LPP: variants seen among roughly 807,000 people sequenced by gnomAD.
LPP encodes the protein LIM domain containing preferred translocation partner in lipoma.
LPP carries 38 observed loss-of-function variants against 60.4 expected under a neutral mutation model. The ratio of observed to expected loss-of-function variants is 0.63; its 90% confidence interval spans 0.49 to 0.83. The LOEUF (loss-of-function observed/expected upper bound fraction) is 0.83, where lower values mean the gene tolerates loss of function less well. LPP is among the 40% of genes least tolerant of loss of function. The pLI is 0.00. For synonymous variants in LPP, 328 were observed against 290.8 expected (o/e 1.13, Z -1.30); for missense variants, 902 against 783.6 (o/e 1.15, Z -1.80).
intron 7 of LPP, among the ~76,000 whole-genome samples, chr3:188,669,563 A>G (rs1038431805): frequency 3.9e-5 from 6 of 152,088 alleles, no homozygotes; most frequent in South Asian, 2.1e-4. Flanking sequence ...GTGACAGAGC[A>G]AGACTCCATC....
intron 6 of LPP, among the ~76,000 whole-genome samples, chr3:188,542,231 C>T (rs544463904): frequency 1.3e-5 from 2 of 152,282 alleles, no homozygotes; most frequent in East Asian, 1.9e-4. Context: ...CTCTGCTTAT[C>T]ATATATGATA....
At chr3:188,440,637 C>T (rs1370818515) in intron 4 of LPP, among the ~76,000 whole-genome samples, 1 of 152,172 alleles carries the variant, frequency 6.6e-6, no homozygotes, top group African/African-American at 2.4e-5. Flanking sequence ...AATTCATGGT[C>T]ACATTAAAGT....
At chr3:188,376,574 G>A (rs1775164802) in intron 3 of LPP, among the ~76,000 whole-genome samples, 1 of 152,040 alleles carries the variant, frequency 6.6e-6, no homozygotes, top group South Asian at 2.1e-4. Context: ...CTTCCTCCAT[G>A]CCTTTATTTT....
intron 7 of LPP, among the ~76,000 whole-genome samples, chr3:188,613,270 A>ATATC (rs769136658): frequency 4.4e-4 from 60 of 136,136 alleles, no homozygotes; most frequent in Non-Finnish European, 7.7e-4. Context: ...ACCTATATCT[A>ATATC]TATCTATATC....
chr3:188,412,021 TAA>T (rs1239133066), intron 4 of LPP, among the ~76,000 whole-genome samples: 5 of 151,926 alleles, frequency 3.3e-5, no homozygotes, highest in Admixed American at 2.0e-4. Context: ...TGAAATTTGA[TAA>T]TACTTTTTAT....
At chr3:188,820,717 T>A (rs1014739419) in intron 9 of LPP, among the ~76,000 whole-genome samples, 1 of 152,206 alleles carries the variant, frequency 6.6e-6, no homozygotes, top group Admixed American at 6.5e-5. Context: ...ATAATACATT[T>A]TCATTTTTAG....
rs1430818727 is a variant in LPP, at chr3:188,254,580, ATTGT to A, written c.-67+29059_-67+29062del. Among the ~76,000 whole-genome samples the A allele has an allele frequency of 3.3e-5, 5 of 152,194 alleles. 1 individual carries two copies. Among genetic ancestry groups the A allele is most frequent in the Admixed American group, 3.3e-4 (5 of 15,280 alleles). ...CTGCCTTGGATGCTACAGAAATGGA[ATTGT>A]TTGTTAGAGTCGTTGCATGGTGAAG... On this transcript the variant is annotated intron_variant, in intron 2 of 11. Transcript: ENST00000617246.
At chr3:188,427,282 C>G (rs145248277) in intron 4 of LPP, among the ~76,000 whole-genome samples, 20 of 152,296 alleles carry the variant, frequency 1.3e-4, no homozygotes, top group Non-Finnish European at 2.5e-4. Context: ...ATATTGGCCC[C>G]CATTCTCTTC....
At chr3:188,812,491 TAGA>T (rs1289019218) in intron 9 of LPP, among the ~76,000 whole-genome samples, 6 of 152,212 alleles carry the variant, frequency 3.9e-5, no homozygotes, top group Non-Finnish European at 5.9e-5. Flanking sequence ...CAAAAATGAC[TAGA>T]AGAACTGAAA....
chr3:188,691,054 T>C (rs1361911841), intron 7 of LPP, among the ~76,000 whole-genome samples: 1 of 152,202 alleles, frequency 6.6e-6, no homozygotes, highest in Non-Finnish European at 1.5e-5. Flanking sequence ...TAAGCTACTG[T>C]GTCATGACTA....
intron 9 of LPP, among the ~76,000 whole-genome samples, chr3:188,770,364 T>G (rs74370159): frequency 0.32 from 44,785 of 139,448 alleles, 7,508 homozygotes; most frequent in Middle Eastern, 0.38. Flanking sequence ...TTTTTTTTTT[T>G]TGTATTTTTA....
rs138929542 is a variant in LPP at position 188,250,794 on chromosome 3, C to CTCTTTCTT, written c.-67+25275_-67+25282dup. On this transcript the variant is annotated intron_variant, in intron 2 of 11. Transcript: ENST00000617246. Reference sequence around the variant, plus strand: ...TCTTTCTTTCTTTCTTTCTGTCTTTCTCTTTCTTTCTTTCTCTTTCTTTCT... The same window carrying CTCTTTCTT: ...TCTTTCTTTCTTTCTTTCTGTCTTTCTCTTTCTTTCTTTCTTTCTTTCTCTTTCTTTCT... Among the ~76,000 whole-genome samples, 100 of 114,208 alleles carry CTCTTTCTT rather than the reference C, an allele frequency of 8.8e-4. 2 individuals carry two copies. Among genetic ancestry groups the CTCTTTCTT allele is most frequent in the African/African-American group, 3.3e-3 (88 of 26,482 alleles). 74.9% of individuals were successfully genotyped at this position (114,208 alleles called of 152,430 possible).
At chr3:188,308,147 C>T (rs1232181908) in intron 2 of LPP, among the ~76,000 whole-genome samples, 1 of 152,158 alleles carries the variant, frequency 6.6e-6, no homozygotes, top group Non-Finnish European at 1.5e-5. Context: ...ATTCTCTTCT[C>T]TTTCTAGGAA....
chr3:188,765,690 C>T (rs1401749241), intron 9 of LPP, among the ~76,000 whole-genome samples: 2 of 150,256 alleles, frequency 1.3e-5, no homozygotes, highest in African/African-American at 4.9e-5. Flanking sequence ...AACATCCGTG[C>T]TAACATTCAG....
intron 7 of LPP, among the ~76,000 whole-genome samples, chr3:188,624,952 T>C (rs1478115178): frequency 1.3e-5 from 2 of 152,052 alleles, no homozygotes; most frequent in African/African-American, 4.8e-5. Context: ...TTTTTTTTCT[T>C]TTTTAACCAC....
Position 188,307,953 on chromosome 3 carries a change from C to G in LPP, c.-66-33710C>G, listed in dbSNP as rs146235457. Among the ~76,000 whole-genome samples the G allele has an allele frequency of 4.8e-3, 734 of 152,100 alleles. 11 individuals are homozygous for G. The highest frequency in any genetic ancestry group is 0.014 in the African/African-American group (580 of 41,462). ...CTGGGGTGTAAGTGTGTGTGTGTGT[C>G]TGTGCGTGTGTGTAATTTCGGGAAC... On this transcript the variant is annotated intron_variant, in intron 2 of 11. Coordinates refer to ENST00000617246, the MANE Select transcript of LPP (RefSeq NM_001375462.1).
At chr3:188,283,021 G>T (rs1398124227) in intron 2 of LPP, among the ~76,000 whole-genome samples, 1 of 152,160 alleles carries the variant, frequency 6.6e-6, no homozygotes, top group Non-Finnish European at 1.5e-5. Flanking sequence ...TTAACCCAGG[G>T]AACTAGAAGG....
At chr3:188,478,647 G>C (rs1803883634) in intron 4 of LPP, among the ~76,000 whole-genome samples, 1 of 151,994 alleles carries the variant, frequency 6.6e-6, no homozygotes, top group Admixed American at 6.6e-5. Flanking sequence ...TGAAATAAAG[G>C]GTAGAGCTGG....
At chr3:188,226,539 C>T (rs967776520) in intron 2 of LPP, among the ~76,000 whole-genome samples, 5 of 152,068 alleles carry the variant, frequency 3.3e-5, no homozygotes, top group African/African-American at 1.2e-4. Flanking sequence ...TCTAAAAAAT[C>T]GGGGTGGTAA....
Sources: allele counts gnomAD v4.1 joint callset (sites outside exome capture counted in the v4.1 genomes callset), GRCh38; gene constraint gnomAD v4.1.1; transcripts MANE v1.5; gene names NCBI Gene and HGNC (gene_info 2026-07-23, HGNC 2026-07-21).